The following CCSER1 variants were observed in gnomAD, a reference collection of about 807,000 sequenced individuals.
The protein encoded by CCSER1 is serine-rich coiled-coil domain-containing protein 1.
In CCSER1, 41 loss-of-function variants were observed where a neutral mutation model predicts 82.0. That is an observed-to-expected ratio of 0.50 (90% CI 0.39 to 0.65). The LOEUF is 0.65. Among genes scored for constraint, CCSER1 ranks in the 30% least tolerant of loss-of-function variants. CCSER1 has a pLI of 0.00. For missense variants in CCSER1, 1,119 were observed against 1,064.2 expected, an observed-to-expected ratio of 1.05 and a Z score of -0.72; for synonymous variants, 414 against 383.9, an observed-to-expected ratio of 1.08 and a Z score of -0.92.
chr4:90,351,406 G>T lies in CCSER1; in HGVS notation c.1509+38359G>T, dbSNP rs1204730780. On this transcript the variant is annotated intron_variant, in intron 3 of 10. Coordinates refer to ENST00000509176, the MANE Select transcript of CCSER1 (RefSeq NM_001145065.2). Reference sequence around the variant, plus strand: ...AAGTCAAAATATGAAGCCATGAGAAGCTGTAACAAAGCATGCAAGATTTCT... The same window carrying T: ...AAGTCAAAATATGAAGCCATGAGAATCTGTAACAAAGCATGCAAGATTTCT... Among the ~76,000 whole-genome samples, 11 of 152,208 alleles carry T rather than the reference G, an allele frequency of 7.2e-5. No homozygotes were observed. In the East Asian group the frequency reaches 1.9e-3, roughly 27 times the overall value.
At chr4:91,116,076 G>C (rs981491636) in intron 10 of CCSER1, among the ~76,000 whole-genome samples, 1 of 151,650 alleles carries the variant, frequency 6.6e-6, no homozygotes, top group African/African-American at 2.4e-5. Flanking sequence ...TCATTGTTCA[G>C]TTCCCACCTA....
intron 7 of CCSER1, among the ~76,000 whole-genome samples, chr4:90,759,752 T>A (rs1750141078): frequency 6.6e-6 from 1 of 152,196 alleles, no homozygotes; most frequent in Non-Finnish European, 1.5e-5. Context: ...CTGAAATATG[T>A]ATACACAAAA....
chr4:90,217,987 G>A (rs4328879), intron 1 of CCSER1, among the ~76,000 whole-genome samples: 99,106 of 151,610 alleles, frequency 0.65, 34,876 homozygotes, highest in African/African-American at 0.91. Flanking sequence ...TTGTATGTAG[G>A]TGGGGGTCTT....
intron 10 of CCSER1, among the ~76,000 whole-genome samples, chr4:91,179,170 C>T (rs1733733965): frequency 6.6e-6 from 1 of 152,162 alleles, no homozygotes; most frequent in African/African-American, 2.4e-5. Context: ...CCAAGAGATA[C>T]ACTGTTGGTC....
chr4:91,363,128 A>C (rs951261972), intron 10 of CCSER1, among the ~76,000 whole-genome samples: 1 of 151,736 alleles, frequency 6.6e-6, no homozygotes, highest in African/African-American at 2.4e-5. Context: ...TCCTCAAAAA[A>C]CAAAAAACAA....
chr4:91,045,259 T>A (rs1742348107), intron 9 of CCSER1, among the ~76,000 whole-genome samples: 1 of 152,220 alleles, frequency 6.6e-6, no homozygotes, highest in Non-Finnish European at 1.5e-5. Context: ...ATTTTAAAAA[T>A]TTAGTTGTTA....
At chr4:90,865,770 C>T (rs1047378286) in intron 8 of CCSER1, among the ~76,000 whole-genome samples, 2 of 151,936 alleles carry the variant, frequency 1.3e-5, no homozygotes, top group Non-Finnish European at 2.9e-5. Flanking sequence ...TTCCTTATCC[C>T]TCTCCATACA....
intron 3 of CCSER1, among the ~76,000 whole-genome samples, chr4:90,323,364 G>A (rs1384865092): frequency 6.6e-6 from 1 of 152,176 alleles, no homozygotes; most frequent in African/African-American, 2.4e-5. Context: ...AAAGTTATTT[G>A]GGACCCCATG....
intron 9 of CCSER1, among the ~76,000 whole-genome samples, chr4:90,993,823 A>C (rs1329670584): frequency 2.0e-5 from 3 of 152,234 alleles, no homozygotes; most frequent in South Asian, 2.1e-4. Flanking sequence ...TTACGTCTTC[A>C]ACATACGAAT....
intron 8 of CCSER1, among the ~76,000 whole-genome samples, chr4:90,892,124 A>T (rs1723048321): frequency 6.6e-6 from 1 of 152,114 alleles, no homozygotes; most frequent in Non-Finnish European, 1.5e-5. Context: ...TTTTAAATAC[A>T]TTTATCTAAA....
At chr4:91,396,250 A>T in intron 10 of CCSER1, among the ~76,000 whole-genome samples, 1 of 152,120 alleles carries the variant, frequency 6.6e-6, no homozygotes, top group Non-Finnish European at 1.5e-5. Flanking sequence ...TGTGGTTCTT[A>T]AATATATTTA....
At chr4:91,438,645 C>T (rs1399924048) in intron 10 of CCSER1, among the ~76,000 whole-genome samples, 1 of 152,174 alleles carries the variant, frequency 6.6e-6, no homozygotes, top group African/African-American at 2.4e-5. Context: ...ATGACTTTGA[C>T]AAGTTGAGAG....
At chr4:90,431,243 A>G (rs564678863) in intron 4 of CCSER1, among the ~76,000 whole-genome samples, 69 of 152,200 alleles carry the variant, frequency 4.5e-4, no homozygotes, top group African/African-American at 1.4e-3. Context: ...CAGTATGGAG[A>G]AAAGTTAGCC....
At chr4:91,053,344 A>G (rs1274165471) in intron 9 of CCSER1, among the ~76,000 whole-genome samples, 1 of 152,178 alleles carries the variant, frequency 6.6e-6, no homozygotes. Flanking sequence ...TTGCCCTCCC[A>G]TTCTGAAATG....
chr4:90,302,144 T>C (rs891884639), intron 1 of CCSER1, among the ~76,000 whole-genome samples: 4 of 152,194 alleles, frequency 2.6e-5, no homozygotes, highest in African/African-American at 9.7e-5. Flanking sequence ...AAGCTAAAAC[T>C]TCATTTTTTA....
intron 3 of CCSER1, 32 bp from the exon 4 acceptor site, chr4:90,400,004 G>T: frequency 1.5e-6 from 2 of 1,290,414 alleles, no homozygotes; most frequent in Non-Finnish European, 1.1e-6. Flanking sequence ...CAGTGTTTTG[G>T]TTTCTAATTG....
chr4:91,258,543 CTGAT>C (rs534816332), intron 10 of CCSER1, among the ~76,000 whole-genome samples: 136 of 152,132 alleles, frequency 8.9e-4, no homozygotes, highest in African/African-American at 3.0e-3. Context: ...CATCAGTTGA[CTGAT>C]TGTCACTGCA....
At chr4:90,168,340 A>G (rs1207512749) in intron 1 of CCSER1, among the ~76,000 whole-genome samples, 1 of 151,576 alleles carries the variant, frequency 6.6e-6, no homozygotes, top group Non-Finnish European at 1.5e-5. Context: ...TTTTCTTGTA[A>G]ATTTGTTTGA....
At chr4:90,145,543 T>G (rs1206081187) in intron 1 of CCSER1, among the ~76,000 whole-genome samples, 1 of 152,106 alleles carries the variant, frequency 6.6e-6, no homozygotes, top group Non-Finnish European at 1.5e-5. Context: ...ATCTATTGTG[T>G]CAAGCGTGAT....
Sources: allele counts gnomAD v4.1 joint callset (sites outside exome capture counted in the v4.1 genomes callset), GRCh38; gene constraint gnomAD v4.1.1; transcripts MANE v1.5; gene names NCBI Gene and HGNC (gene_info 2026-07-23, HGNC 2026-07-21).